RBFOX1: variants seen among roughly 807,000 people sequenced by gnomAD.
RBFOX1 encodes RNA binding fox-1 homolog 1, also known as RNA binding protein fox-1 homolog 1.
In RBFOX1, 8 loss-of-function variants were observed where a neutral mutation model predicts 57.7. The ratio of observed to expected loss-of-function variants is 0.14; its 90% CI spans 0.08 to 0.25. The LOEUF (loss-of-function observed/expected upper bound fraction) is 0.25, where lower values mean the gene tolerates loss of function less well. Ranked by LOEUF, RBFOX1 falls within the 10% of genes least tolerant of loss-of-function variation. RBFOX1 has a pLI of 1.00. For synonymous variants in RBFOX1, 326 were observed against 222.4 expected, an observed-to-expected ratio of 1.47 and a Z score of -4.15; for missense variants, 611 against 548.5, an observed-to-expected ratio of 1.11 and a Z score of -1.14.
intron 3 of RBFOX1, among the ~76,000 whole-genome samples, chr16:6,996,686 A>G (rs2092280674): frequency 6.6e-6 from 1 of 152,244 alleles, no homozygotes; most frequent in Non-Finnish European, 1.5e-5. Context: ...AGTAAGTGGC[A>G]GGATTGGGAT....
chr16:5,454,948 TTCCTTC>T lies in RBFOX1; in HGVS notation c.220-12267_220-12262del, dbSNP rs1567535788. Among the ~76,000 whole-genome samples, 192 of 53,422 alleles carry T rather than the reference TTCCTTC, an allele frequency of 3.6e-3. 1 individual carries two copies. Among genetic ancestry groups the T allele is most frequent in the Non-Finnish European group, 5.2e-3 (130 of 24,946 alleles). The allele number at this position is 53,422 out of a possible 152,430, so 35.0% of individuals were successfully genotyped here. On this transcript the variant is annotated intron_variant, in intron 1 of 2. Transcript: ENST00000585867. ...CTTTCTTCCTTCCTTCCTTCCTTCC[TTCCTTC>T]CTTCCTTTCTTTCTTTCTTTCTTTC...
At chr16:6,813,874 C>T (rs1346083449) in intron 3 of RBFOX1, among the ~76,000 whole-genome samples, 1 of 152,048 alleles carries the variant, frequency 6.6e-6, no homozygotes, top group African/African-American at 2.4e-5. Context: ...TCAGCCAGCC[C>T]CTTGTTAGGT....
At chr16:7,064,209 C>T (rs150769974) in intron 4 of RBFOX1, among the ~76,000 whole-genome samples, 16 of 128,348 alleles carry the variant, frequency 1.2e-4, no homozygotes, top group African/African-American at 4.8e-4. Flanking sequence ...CACTATGTGG[C>T]CTAGGCTGGA....
intron 3 of RBFOX1, among the ~76,000 whole-genome samples, chr16:6,691,722 T>C (rs1192742704): frequency 6.6e-6 from 1 of 152,158 alleles, no homozygotes; most frequent in Non-Finnish European, 1.5e-5. Context: ...CATGGATATG[T>C]CACCGCACAT....
intron 4 of RBFOX1, among the ~76,000 whole-genome samples, chr16:7,391,426 G>T (rs932178660): frequency 6.6e-6 from 1 of 152,154 alleles, no homozygotes; most frequent in African/African-American, 2.4e-5. Context: ...GTTTCTCACC[G>T]CAAGAGCTCT....
chr16:7,684,860 G>GT (rs1467931353), intron 14 of RBFOX1, among the ~76,000 whole-genome samples: 32 of 152,104 alleles, frequency 2.1e-4, no homozygotes, highest in Non-Finnish European at 4.1e-4. Context: ...CAGCTTCCCT[G>GT]TTTTTTCAGA....
intron 2 of RBFOX1, among the ~76,000 whole-genome samples, chr16:6,647,719 C>G (rs2098545377): frequency 1.3e-5 from 2 of 152,082 alleles, no homozygotes; most frequent in Non-Finnish European, 2.9e-5. Flanking sequence ...TTCGATGTAT[C>G]TGGGATGAGG....
intron 3 of RBFOX1, among the ~76,000 whole-genome samples, chr16:7,023,217 C>G (rs564334123): frequency 1.3e-5 from 2 of 152,002 alleles, no homozygotes; most frequent in Non-Finnish European, 2.9e-5. Flanking sequence ...TAGCTCATGA[C>G]TATAATCCTA....
intron 3 of RBFOX1, among the ~76,000 whole-genome samples, chr16:5,681,411 G>A (rs975918849): frequency 7.2e-5 from 10 of 138,794 alleles, no homozygotes; most frequent in Non-Finnish European, 1.4e-4. Context: ...TTTTTGAGGT[G>A]GAGTTTCTCT....
At chr16:7,551,891 G>A (rs760665009) in intron 5 of RBFOX1, among the ~76,000 whole-genome samples, 1 of 152,114 alleles carries the variant, frequency 6.6e-6, no homozygotes, top group Non-Finnish European at 1.5e-5. Flanking sequence ...GCACATTTCT[G>A]TATGACATTA....
chr16:6,609,082 A>G (rs1234803155), intron 2 of RBFOX1, among the ~76,000 whole-genome samples: 2 of 152,106 alleles, frequency 1.3e-5, no homozygotes, highest in African/African-American at 4.8e-5. Flanking sequence ...CATCTTGATG[A>G]TCCTGAATAA....
rs561017967 is a variant in RBFOX1, at chr16:7,679,866, A to C, written c.995+3028A>C. Reference sequence around the variant, plus strand: ...CAAAAGAAAAATACCTGACTGGACTAGGTAATTTTATAGTCTCATTGACAA... The same window carrying C: ...CAAAAGAAAAATACCTGACTGGACTCGGTAATTTTATAGTCTCATTGACAA... On this transcript the variant is annotated intron_variant, in intron 14 of 15. Coordinates refer to ENST00000550418, the MANE Select transcript of RBFOX1 (RefSeq NM_018723.4). Among the ~76,000 whole-genome samples the C allele has an allele frequency of 8.5e-5, 13 of 152,266 alleles. 1 individual carries two copies. The South Asian group carries it at 2.7e-3, about 32-fold the overall frequency.
intron 1 of RBFOX1, among the ~76,000 whole-genome samples, chr16:6,228,043 G>C (rs570718103): frequency 4.6e-4 from 70 of 152,274 alleles, no homozygotes; most frequent in Admixed American, 3.1e-3. Context: ...AGGCACGGTG[G>C]CTCACACCTA....
chr16:6,552,339 T>G (rs1357308321), intron 2 of RBFOX1, among the ~76,000 whole-genome samples: 2 of 152,152 alleles, frequency 1.3e-5, no homozygotes, highest in African/African-American at 4.8e-5. Context: ...AGCCCAGTTT[T>G]GGGGACTGAA....
At chr16:5,281,953 G>C (rs762057108) in intron 1 of RBFOX1, among the ~76,000 whole-genome samples, 24 of 152,096 alleles carry the variant, frequency 1.6e-4, no homozygotes, top group Non-Finnish European at 3.2e-4. Context: ...CTGTCATTTT[G>C]TTCATTGTTT....
At chr16:6,402,399 A>G (rs2093109724) in intron 2 of RBFOX1, among the ~76,000 whole-genome samples, 2 of 152,242 alleles carry the variant, frequency 1.3e-5, no homozygotes, top group Admixed American at 6.5e-5. Context: ...CAAAATAAAA[A>G]TGAACAAACA....
At chr16:5,344,806 C>A (rs148301010) in intron 1 of RBFOX1, among the ~76,000 whole-genome samples, 4 of 152,132 alleles carry the variant, frequency 2.6e-5, no homozygotes, top group Non-Finnish European at 5.9e-5. Context: ...ATGAACAGCA[C>A]GTGCTTTGAG....
intron 3 of RBFOX1, among the ~76,000 whole-genome samples, chr16:5,699,456 G>A (rs75770690): frequency 1.3e-5 from 2 of 148,456 alleles, no homozygotes; most frequent in African/African-American, 5.0e-5. Flanking sequence ...ACAGTAGATT[G>A]TTCTATTTTT....
intron 4 of RBFOX1, among the ~76,000 whole-genome samples, chr16:7,103,056 A>T (rs576235543): frequency 7.0e-6 from 1 of 142,718 alleles, no homozygotes; most frequent in South Asian, 2.3e-4. Flanking sequence ...TAATTCCCTA[A>T]TTCTATCTTT....
Sources: gnomAD v4.1 joint callset for allele counts (sites outside exome capture counted in the v4.1 genomes callset) on GRCh38, gnomAD v4.1.1 for gene constraint, MANE v1.5 for transcripts, NCBI Gene and HGNC (gene_info 2026-07-23, HGNC 2026-07-21) for gene names.